PSPH: variants seen among roughly 807,000 people sequenced by gnomAD.
PSPH encodes the protein phosphoserine phosphatase.
PSPH carries 16 observed loss-of-function variants against 23.4 expected under a neutral mutation model. That is an observed-to-expected ratio of 0.68 (90% confidence interval 0.46 to 1.04). The LOEUF (loss-of-function observed/expected upper bound fraction) is 1.04, where lower values mean the gene tolerates loss of function less well. Ranked by LOEUF, PSPH falls within the 50% of genes least tolerant of loss-of-function variation. PSPH has a pLI of 0.00. For missense variants in PSPH, 223 were observed against 273.7 expected, an observed-to-expected ratio of 0.81 and a Z score of 1.31; for synonymous variants, 68 against 99.7, an observed-to-expected ratio of 0.68 and a Z score of 1.89.
intron 3 of PSPH, among the ~76,000 whole-genome samples, chr7:56,030,653 C>G (rs1461722835): frequency 6.6e-6 from 1 of 152,022 alleles, no homozygotes; most frequent in Non-Finnish European, 1.5e-5. Context: ...AATCCCAGCA[C>G]TTTGGGAGGC....
chr7:56,021,403 C>T (rs1393557963), intron 3 of PSPH, among the ~76,000 whole-genome samples, 172 bp from the exon 4 acceptor site: 2 of 149,082 alleles, frequency 1.3e-5, no homozygotes, highest in Non-Finnish European at 3.0e-5. Flanking sequence ...CCACACTACA[C>T]CAGTTTCTTC....
At chr7:56,026,628 C>T (rs1449264953) in intron 3 of PSPH, among the ~76,000 whole-genome samples, 2 of 151,160 alleles carry the variant, frequency 1.3e-5, no homozygotes, top group South Asian at 2.1e-4. Context: ...TGGTGAAACC[C>T]TGTCTCTATT....
chr7:56,037,764 G>A (rs1285130252), intron 1 of PSPH, among the ~76,000 whole-genome samples: 1 of 146,548 alleles, frequency 6.8e-6, no homozygotes, highest in Non-Finnish European at 1.5e-5. Context: ...CCAGGCTGGA[G>A]TGCAGTAGCG....
At chr7:56,027,211 C>CAAAAAAAAAAA (rs11322718) in intron 3 of PSPH, among the ~76,000 whole-genome samples, 1 of 115,432 alleles carries the variant, frequency 8.7e-6, no homozygotes. Flanking sequence ...GTCTCAAAAA[C>CAAAAAAAAAAA]AAAAAAAAAA....
chr7:56,051,018 T>G (rs1793980014), intron 1 of PSPH, 120 bp downstream of exon 1: 1 of 152,152 alleles, frequency 6.6e-6, no homozygotes, highest in Admixed American at 6.6e-5. Flanking sequence ...GGCAACATAG[T>G]GAGACCCTAT....
rs141764548 is a variant in PSPH, at chr7:56,021,095, C to A, written c.118G>T (p.Val40Phe). ...GIDELAKICG[V>F]EDAVSEMTRR... ...TACATTTCTGACACCGCGTCCTCAA[C>A]GCCACAGATTTTGGCTAGCTCATCG... The change falls in exon 4 of 8, where the codon GTT (valine) becomes TTT (phenylalanine). Residue 40 changes from valine (V) to phenylalanine (F), a missense_variant. Transcript: ENST00000275605. 5.0e-6 allele frequency: 8 copies of A among 1,614,250 alleles called. No individual in the cohort carries two copies. Among genetic ancestry groups the A allele is most frequent in the Admixed American group, 1.7e-5 (1 of 60,008 alleles).
chr7:56,029,978 CAA>C (rs1181658808), intron 3 of PSPH, among the ~76,000 whole-genome samples: 4 of 53,430 alleles, frequency 7.5e-5, no homozygotes, highest in Admixed American at 2.2e-4. Context: ...GACTCCATCT[CAA>C]AAAAAAAAAA....
At chr7:56,045,795 G>A (rs1793147006) in intron 1 of PSPH, among the ~76,000 whole-genome samples, 1 of 149,894 alleles carries the variant, frequency 6.7e-6, no homozygotes, top group South Asian at 2.1e-4. Flanking sequence ...TTGAGGCAAG[G>A]AGAATCGCTT....
At chr7:56,017,081 G>C (rs1788657793) in intron 6 of PSPH, among the ~76,000 whole-genome samples, 153 bp downstream of exon 6, 1 of 152,126 alleles carries the variant, frequency 6.6e-6, no homozygotes, top group Non-Finnish European at 1.5e-5. Flanking sequence ...CTGAGCAAAG[G>C]GTACCAAAGG....
chr7:56,013,035 G>GTA (rs1283386929), intron 7 of PSPH, among the ~76,000 whole-genome samples: 10 of 146,436 alleles, frequency 6.8e-5, no homozygotes, highest in Admixed American at 2.1e-4. Flanking sequence ...TACTATATAT[G>GTA]TATATATATA....
chr7:56,024,459 T>A (rs971168599), intron 3 of PSPH, among the ~76,000 whole-genome samples: 1 of 152,058 alleles, frequency 6.6e-6, no homozygotes, highest in African/African-American at 2.4e-5. Flanking sequence ...GAAATTCAAA[T>A]TTCAGGCTGG....
intron 2 of PSPH, among the ~76,000 whole-genome samples, 189 bp downstream of exon 2, chr7:56,033,772 G>T (rs965160479): frequency 1.3e-5 from 2 of 152,166 alleles, no homozygotes; most frequent in African/African-American, 4.8e-5. Context: ...ACAGGCAGCT[G>T]CTGTAAGATT....
intron 1 of PSPH, among the ~76,000 whole-genome samples, chr7:56,050,486 G>C (rs1793874173): frequency 6.6e-6 from 1 of 152,070 alleles, no homozygotes; most frequent in African/African-American, 2.4e-5. Flanking sequence ...GACTGGTCTT[G>C]AACTCCCGGG....
chr7:56,036,238 CAAAT>C (rs1323404471), intron 1 of PSPH, among the ~76,000 whole-genome samples: 5 of 151,550 alleles, frequency 3.3e-5, no homozygotes, highest in Non-Finnish European at 5.9e-5. Context: ...AAAAAACCCA[CAAAT>C]AAACAAATAA....
chr7:56,015,893 G>A (rs541180997), intron 6 of PSPH, among the ~76,000 whole-genome samples: 4 of 151,112 alleles, frequency 2.6e-5, no homozygotes, highest in Non-Finnish European at 5.9e-5. Context: ...CCTGACCGCA[G>A]GTGATCAGAC....
chr7:56,046,091 C>T (rs189351292), intron 1 of PSPH, among the ~76,000 whole-genome samples: 4 of 151,972 alleles, frequency 2.6e-5, no homozygotes, highest in East Asian at 1.9e-4. Context: ...ACACTCAGCT[C>T]GGGGAATCTA....
At chr7:56,028,535 T>C (rs1385538908) in intron 3 of PSPH, among the ~76,000 whole-genome samples, 1 of 152,052 alleles carries the variant, frequency 6.6e-6, no homozygotes, top group Admixed American at 6.6e-5. Context: ...CTGGCCAAAA[T>C]AGAATGTTAG....
intron 3 of PSPH, among the ~76,000 whole-genome samples, chr7:56,022,594 A>G (rs1204605460): frequency 3.3e-5 from 5 of 152,196 alleles, no homozygotes; most frequent in African/African-American, 1.2e-4. Context: ...GCTGTGCATC[A>G]GGAATTCACA....
intron 3 of PSPH, among the ~76,000 whole-genome samples, chr7:56,022,165 T>C (rs1789564471): frequency 6.6e-6 from 1 of 151,962 alleles, no homozygotes; most frequent in African/African-American, 2.4e-5. Flanking sequence ...AAGTCTCTAC[T>C]AAAAATAATA....
Sources: gnomAD v4.1 joint callset for allele counts (sites outside exome capture counted in the v4.1 genomes callset) on GRCh38, gnomAD v4.1.1 for gene constraint, MANE v1.5 for transcripts, NCBI Gene and HGNC (gene_info 2026-07-23, HGNC 2026-07-21) for gene names.